The following TOP3B variants were observed in gnomAD, a reference collection of about 807,000 sequenced individuals.
TOP3B encodes the protein DNA topoisomerase III beta.
TOP3B carries 45 observed loss-of-function variants against 93.9 expected under a neutral mutation model. The observed-to-expected ratio is 0.48, with a 90% CI of 0.38 to 0.61. The LOEUF (loss-of-function observed/expected upper bound fraction) is 0.61, where lower values mean the gene tolerates loss of function less well. TOP3B is among the 20% of genes least tolerant of loss of function. The pLI, the probability that TOP3B is intolerant of heterozygous loss-of-function variation, is 0.00. For synonymous variants in TOP3B, 357 were observed against 472.6 expected (o/e 0.76, Z 3.17); for missense variants, 750 against 1,156.1 (o/e 0.65, Z 5.09).
intron 2 of TOP3B, 165 bp downstream of exon 2, chr22:21,975,475 A>C (rs2071826418): frequency 1.3e-5 from 9 of 679,726 alleles, no homozygotes; most frequent in Middle Eastern, 4.3e-4. Flanking sequence ...CATTGCCAGG[A>C]GTGGAAGCAA....
Position 21,970,411 on chromosome 22 carries a change from G to T in TOP3B, c.385-5C>A, listed in dbSNP as rs1198949309. The T allele has an allele frequency of 2.5e-6, 4 of 1,612,978 alleles. No individual in the cohort carries two copies. The highest frequency in any genetic ancestry group is 2.5e-6 in the Non-Finnish European group (3 of 1,179,680). ...GGGCAGAACAGCATCAAGAACCTGG[G>T]GGTGGGGAGTGGCCAGCTGTGACCC... On this transcript the variant is annotated splice_polypyrimidine_tract_variant and splice_region_variant and intron_variant, in intron 5 of 17. Transcript: ENST00000357179. This position sits in a 1 kb window ranked among gnomAD's most constrained non-coding sequence, Gnocchi z 4.4.
Position 21,968,661 on chromosome 22 carries a change from G to A in TOP3B, c.696C>T (p.Ile232=), listed in dbSNP as rs1298305795. 2 of 1,614,210 alleles carry A rather than the reference G, an allele frequency of 1.2e-6. No individual in the cohort carries two copies. Among genetic ancestry groups the A allele is most frequent in the Admixed American group, 1.7e-5 (1 of 60,030 alleles). Reference sequence around the variant, plus strand: ...AGTAGGTCTCTGGTTTGAAGGACTGGATTTTATCATGTCTCTCCACACAGA... The same window carrying A: ...AGTAGGTCTCTGGTTTGAAGGACTGAATTTTATCATGTCTCTCCACACAGA... ...LGFCVERHDK[I]QSFKPETYWV... The change falls in exon 7 of 18, where the codon ATC becomes ATT. Residue 232 remains isoleucine (I), a synonymous_variant. Transcript: ENST00000357179.
Position 21,970,512 on chromosome 22 carries a change from G to T in TOP3B, c.385-106C>A. 1.6e-6 allele frequency: 2 copies of T among 1,233,034 alleles called. No individual in the cohort carries two copies. Among genetic ancestry groups the T allele is most frequent in the Non-Finnish European group, 2.3e-6 (2 of 883,910 alleles). The allele number at this position is 1,233,034 out of a possible 1,614,324, so 76.4% of individuals were successfully genotyped here. A position where few individuals can be genotyped will look rare whatever the true frequency, so the allele number is the denominator to read the frequency against. ...CTTCCAGGAAAGAACACGTGTGCTC[G>T]GCTCCCTCTCCTGCCCCTGCCAGAC... On this transcript the variant is annotated intron_variant, in intron 5 of 17. Transcript: ENST00000357179. The surrounding 1 kb of genome is among the most constrained non-coding windows in gnomAD (Gnocchi z 4.4).
intron 1 of TOP3B, 34 bp from the exon 2 acceptor site, chr22:21,975,841 G>T: frequency 7.8e-7 from 1 of 1,278,176 alleles, no homozygotes; most frequent in Non-Finnish European, 1.0e-6. Flanking sequence ...GGATAGCAAT[G>T]CTGTCAATAG....
Position 21,958,633 on chromosome 22 carries a change from C to G in TOP3B, c.1966G>C (p.Gly656Arg). 1 of 1,613,948 alleles carries G rather than the reference C, an allele frequency of 6.2e-7. No individual in the cohort carries two copies. Among genetic ancestry groups the G allele is most frequent in the Middle Eastern group, 1.7e-4 (1 of 6,020 alleles). Reference protein sequence around the residue: ...CDETYTLPQNGTIKLYKELRC... With the variant: ...CDETYTLPQNRTIKLYKELRC... ...AGCTCCTTGTAGAGCTTGATGGTGC[C>G]GTTCTGGGGGAGCGTGTAGGTCTCA... The change falls in exon 17 of 18, where the codon GGC (glycine) becomes CGC (arginine). Residue 656 changes from glycine to arginine, a missense_variant. By Grantham distance (125) the Gly-to-Arg change is moderately radical. Transcript: ENST00000357179.
In TOP3B at chr22:21,958,605, C is replaced by T. The variant is rs1345956659; in HGVS notation, c.1994G>A (p.Arg665His). Reference protein sequence around the residue: ...NGTIKLYKELRCPLDDFELVL... With the variant: ...NGTIKLYKELHCPLDDFELVL... ...CAGCTCGAAGTCATCCAGAGGGCAG[C>T]GGAGCTCCTTGTAGAGCTTGATGGT... Residue 665 changes from arginine to histidine, a missense_variant, in exon 17 of 18, where the codon CGC becomes CAC. Physicochemically the swap from Arg to His is conservative, Grantham distance 29 (BLOSUM62 0). Around this residue, in one of 4 missense-constraint regions of TOP3B, gnomAD observed 737 missense variants for 933.7 expected, o/e 0.79. Coordinates refer to ENST00000357179, the MANE Select transcript of TOP3B (RefSeq NM_001282112.2). 3.1e-6 allele frequency: 5 copies of T among 1,613,956 alleles called. No individual in the cohort carries two copies. Among genetic ancestry groups the T allele is most frequent in the Non-Finnish European group, 3.4e-6 (4 of 1,180,036 alleles).
chr22:21,965,997 TCCTCCTGCCTCAG>T (rs1692172075), intron 8 of TOP3B: 1 of 152,298 alleles, frequency 6.6e-6, no homozygotes, highest in Non-Finnish European at 1.5e-5. Context: ...GGACAAGTGA[TCCTCCTGCCTCAG>T]CCTCCTGTGT....
chr22:21,958,418 C>G (rs4638895), intron 17 of TOP3B, 74 bp downstream of exon 17: 177,689 of 1,606,316 alleles, frequency 0.11, 10,344 homozygotes, highest in Middle Eastern at 0.12. Flanking sequence ...AGAGTCCAGC[C>G]TGGTGCAAGG....
intron 15 of TOP3B, 68 bp downstream of exon 15, chr22:21,959,519 C>T (rs2071074168): frequency 1.3e-6 from 2 of 1,534,800 alleles, no homozygotes; most frequent in Non-Finnish European, 1.8e-6. Context: ...GACCTGGGTC[C>T]CCAGGTACTG....
At chr22:21,958,751 A>AC (rs137885664) in intron 16 of TOP3B, 58 bp from the exon 17 acceptor site, 3 of 1,513,846 alleles carry the variant, frequency 2.0e-6, no homozygotes, top group Non-Finnish European at 2.7e-6. Flanking sequence ...CTTGGCACCC[A>AC]CCCCCACTCC....
chr22:21,978,671 G>A (rs1328923977), intron 1 of TOP3B, among the ~76,000 whole-genome samples: 1 of 152,092 alleles, frequency 6.6e-6, no homozygotes, highest in Non-Finnish European at 1.5e-5. Flanking sequence ...ACCATGTGGG[G>A]GACACTGACA....
intron 1 of TOP3B, chr22:21,982,259 C>T (rs1490171109): frequency 2.0e-5 from 3 of 152,168 alleles, no homozygotes; most frequent in African/African-American, 4.8e-5. Context: ...CACAAAAGTA[C>T]CCTACTTCAT....
intron 14 of TOP3B, 28 bp from the exon 15 acceptor site, chr22:21,959,764 C>T: frequency 6.2e-7 from 1 of 1,605,314 alleles, no homozygotes; most frequent in Non-Finnish European, 8.5e-7. Context: ...GCAGATATTG[C>T]CCTGAGCACT....
chr22:21,960,807 C>T (rs73149978), intron 13 of TOP3B: 203 of 266,608 alleles, frequency 7.6e-4, no homozygotes, highest in Non-Finnish European at 1.2e-3. Flanking sequence ...TGGCACCCAC[C>T]TGCTCCCGGA....
intron 4 of TOP3B, chr22:21,972,201 A>G (rs1224287090): frequency 2.0e-6 from 1 of 508,204 alleles, no homozygotes; most frequent in Admixed American, 3.7e-5. Context: ...ATACCCCAAA[A>G]CTGCCCAGAA....
intron 8 of TOP3B, chr22:21,965,764 C>A (rs567565947): frequency 6.4e-6 from 1 of 155,078 alleles, no homozygotes; most frequent in Non-Finnish European, 1.4e-5. Context: ...CTACTCGTGA[C>A]GCTGAGGCAG....
chr22:21,970,836 A>T lies in TOP3B; in HGVS notation c.385-430T>A. The stretch of plus-strand genomic sequence containing the variant: ...GTTTGGAGGGGTGGGTGGAAATTTT[A>T]AGAGGCTGAAGAAAAGACAGGGAAG... On this transcript the variant is annotated intron_variant, in intron 5 of 17. Coordinates refer to ENST00000357179, the MANE Select transcript of TOP3B (RefSeq NM_001282112.2). This position sits in a 1 kb window ranked among gnomAD's most constrained non-coding sequence, Gnocchi z 4.4. 2.8e-6 allele frequency: 1 copy of T among 362,676 alleles called. No individual in the cohort carries two copies. The highest frequency in any genetic ancestry group is 4.5e-6 in the Non-Finnish European group (1 of 220,278). 22.5% of individuals were successfully genotyped at this position (362,676 alleles called of 1,614,324 possible).
At chr22:21,974,717 G>T in intron 2 of TOP3B, 1 of 384,282 alleles carries the variant, frequency 2.6e-6, no homozygotes, top group Non-Finnish European at 4.7e-6. Flanking sequence ...TCGATGCAGA[G>T]CCCCAGGCTG....
chr22:21,962,760 G>A lies in TOP3B; in HGVS notation c.1338C>T (p.Thr446=), dbSNP rs115446312. 1,780 of 1,614,152 alleles carry A rather than the reference G, an allele frequency of 1.1e-3. 12 individuals are homozygous for A. The African/African-American group carries it at 0.021, about 19-fold the overall frequency. ...CCGTGGTGTGACCTGGTGAGAGGAC[G>A]GTCTTCCCGGAGCAGGTGAAGAGCT... ...GPELFTCSGK[T]VLSPGFTEVM... Residue 446 remains threonine (T), a synonymous_variant, in exon 12 of 18, where the codon ACC becomes ACT. Coordinates refer to ENST00000357179, the MANE Select transcript of TOP3B (RefSeq NM_001282112.2).
Sources: allele counts gnomAD v4.1 joint callset (sites outside exome capture counted in the v4.1 genomes callset), GRCh38; gene constraint gnomAD v4.1.1; regional missense constraint gnomAD v4.1.1; non-coding constraint Gnocchi (gnomAD v3.1); transcripts MANE v1.5; gene names NCBI Gene and HGNC (gene_info 2026-07-23, HGNC 2026-07-21).